Variants in ODAD2 observed in about 807,000 individuals in gnomAD.
The protein encoded by ODAD2 is outer dynein arm docking complex subunit 2.
In ODAD2, 89 loss-of-function variants were observed where a neutral mutation model predicts 106.8. That is an observed-to-expected ratio of 0.83 (90% CI 0.70 to 0.99). The LOEUF is 0.99. Among genes scored for constraint, ODAD2 ranks in the 50% least tolerant of loss-of-function variants. ODAD2 has a pLI of 0.00. For missense variants in ODAD2, 1,168 were observed against 1,238.5 expected (o/e 0.94, Z 0.85); for synonymous variants, 404 against 436.2 (o/e 0.93, Z 0.92).
At chr10:27,976,609 A>G (rs528778449) in intron 7 of ODAD2, among the ~76,000 whole-genome samples, 1 of 152,300 alleles carries the variant, frequency 6.6e-6, no homozygotes, top group East Asian at 1.9e-4. Context: ...ACCTAAATAA[A>G]TGGAGAGACA....
chr10:27,906,780 G>A (rs1290773161), intron 17 of ODAD2, among the ~76,000 whole-genome samples: 1 of 152,004 alleles, frequency 6.6e-6, no homozygotes, highest in South Asian at 2.1e-4. Context: ...ACCAAACACC[G>A]CATGTTCTCA....
In ODAD2 at chr10:27,940,550, C is replaced by T. The variant is rs143096939; in HGVS notation, c.1986+13G>A. ...AGTTGAGAAGGCAAGGGAAGCAGAA[C>T]TGGCATGAGTACCTCTGATGCACAC... On this transcript the variant is annotated intron_variant, in intron 13 of 19. Coordinates refer to ENST00000305242, the MANE Select transcript of ODAD2 (RefSeq NM_018076.5). 105 of 1,611,908 alleles carry T rather than the reference C, an allele frequency of 6.5e-5. 1 individual carries two copies. The highest frequency in any genetic ancestry group is 5.0e-4 in the Middle Eastern group (3 of 6,056).
intron 16 of ODAD2, among the ~76,000 whole-genome samples, chr10:27,924,008 A>AGGAAAGAG (rs1845013910): frequency 9.6e-6 from 1 of 104,188 alleles, no homozygotes; most frequent in Admixed American, 9.7e-5. Context: ...GAAAGAAAGA[A>AGGAAAGAG]AGAAAGAAAG....
At chr10:27,866,607 C>G (rs529732782) in intron 17 of ODAD2, among the ~76,000 whole-genome samples, 7 of 152,078 alleles carry the variant, frequency 4.6e-5, no homozygotes, top group African/African-American at 1.7e-4. Flanking sequence ...AAACATGGTG[C>G]CAGCATCTGC....
chr10:27,859,919 T>C (rs1839921230), intron 19 of ODAD2, among the ~76,000 whole-genome samples: 1 of 152,206 alleles, frequency 6.6e-6, no homozygotes, highest in Admixed American at 6.5e-5. Flanking sequence ...CATCTAGTTA[T>C]TGTTTCAGCC....
Position 27,935,240 on chromosome 10 carries a change from G to GA in ODAD2, c.2264_2265insT (p.Lys756GlnfsTer4). 3 of 1,613,834 alleles carry GA rather than the reference G, an allele frequency of 1.9e-6. No individual in the cohort carries two copies. The highest frequency in any genetic ancestry group is 2.5e-6 in the Non-Finnish European group (3 of 1,179,798). On this transcript the variant is annotated frameshift_variant, in exon 16 of 20. Coordinates refer to ENST00000305242, the MANE Select transcript of ODAD2 (RefSeq NM_018076.5). LOFTEE classifies it high-confidence loss of function. ...GTCCCACCAAGGTTTCAATGGCTTT[G>GA]TATTCCCGAAACCTAAGTTCATCAT...
chr10:27,940,013 A>T lies in ODAD2; in HGVS notation c.1987-6T>A. On this transcript the variant is annotated splice_polypyrimidine_tract_variant and splice_region_variant and intron_variant, in intron 13 of 19. Transcript: ENST00000305242. ...ATTGCAGCCCGGTAGTTTTCCTAGG[A>T]ATAAAAACCTACATATTTATGTGTT... 1 of 1,586,156 alleles carries T rather than the reference A, an allele frequency of 6.3e-7. No individual in the cohort carries two copies. The highest frequency in any genetic ancestry group is 1.8e-5 in the Admixed American group (1 of 57,062).
At chr10:27,996,943 A>G (rs1277390478) in intron 1 of ODAD2, among the ~76,000 whole-genome samples, 1 of 152,112 alleles carries the variant, frequency 6.6e-6, no homozygotes, top group East Asian at 1.9e-4. Flanking sequence ...ATTTTCTTTC[A>G]TTTTACAGTT....
At chr10:27,817,186 C>T (rs1836202883) in intron 19 of ODAD2, among the ~76,000 whole-genome samples, 1 of 152,150 alleles carries the variant, frequency 6.6e-6, no homozygotes, top group Non-Finnish European at 1.5e-5. Flanking sequence ...AGTAGCCACT[C>T]TCTTTGGTTA....
chr10:27,846,016 A>C (rs1838721473), intron 19 of ODAD2, among the ~76,000 whole-genome samples: 1 of 152,206 alleles, frequency 6.6e-6, no homozygotes, highest in South Asian at 2.1e-4. Flanking sequence ...CAGACCAATG[A>C]GACAGAAAGT....
chr10:27,892,554 A>G (rs1300057430), intron 17 of ODAD2, among the ~76,000 whole-genome samples: 2 of 152,226 alleles, frequency 1.3e-5, no homozygotes, highest in Non-Finnish European at 2.9e-5. Context: ...CATTTTATTT[A>G]TCACCAATAA....
At chr10:27,871,798 C>A (rs868002593) in intron 17 of ODAD2, among the ~76,000 whole-genome samples, 5 of 152,184 alleles carry the variant, frequency 3.3e-5, no homozygotes, top group South Asian at 2.1e-4. Flanking sequence ...GTGATGCCTG[C>A]AGCTGTGTTC....
At chr10:27,937,947 T>C (rs927729470) in intron 14 of ODAD2, among the ~76,000 whole-genome samples, 12 of 151,890 alleles carry the variant, frequency 7.9e-5, no homozygotes, top group Admixed American at 5.9e-4. Flanking sequence ...TAGAGGTTTT[T>C]TGTTTTTTGT....
At chr10:27,938,418 G>A (rs1451498963) in intron 14 of ODAD2, among the ~76,000 whole-genome samples, 2 of 152,216 alleles carry the variant, frequency 1.3e-5, no homozygotes, top group East Asian at 3.9e-4. Flanking sequence ...CCGTCTACAA[G>A]CTGAGGAGAG....
At chr10:27,885,703 T>TTATATATTATATAA (rs1842111083) in intron 17 of ODAD2, among the ~76,000 whole-genome samples, 4 of 51,330 alleles carry the variant, frequency 7.8e-5, no homozygotes, top group Non-Finnish European at 1.4e-4. Flanking sequence ...ATAATATATA[T>TTATATATTATATAA]AAAATATATA....
At chr10:27,868,255 T>A (rs957125742) in intron 17 of ODAD2, among the ~76,000 whole-genome samples, 15 of 152,182 alleles carry the variant, frequency 9.9e-5, no homozygotes, top group African/African-American at 3.6e-4. Flanking sequence ...TTAACCATTG[T>A]GGAAGACAGT....
intron 17 of ODAD2, among the ~76,000 whole-genome samples, chr10:27,878,352 T>C (rs1589896273): frequency 1.3e-5 from 2 of 152,168 alleles, no homozygotes; most frequent in East Asian, 3.8e-4. Flanking sequence ...ATTGAGACAT[T>C]ATTTACAGAT....
At chr10:27,966,454 C>T (rs989960567) in intron 9 of ODAD2, among the ~76,000 whole-genome samples, 25 of 152,140 alleles carry the variant, frequency 1.6e-4, no homozygotes, top group African/African-American at 6.0e-4. Context: ...TAAAAAGCAG[C>T]GCCCCAAAGA....
At chr10:27,839,528 C>T (rs1838156549) in intron 19 of ODAD2, among the ~76,000 whole-genome samples, 1 of 152,128 alleles carries the variant, frequency 6.6e-6, no homozygotes, top group Non-Finnish European at 1.5e-5. Flanking sequence ...TGAGGCCTAC[C>T]GTATAGCTGA....
Sources: allele counts gnomAD v4.1 joint callset (sites outside exome capture counted in the v4.1 genomes callset), GRCh38; gene constraint gnomAD v4.1.1; transcripts MANE v1.5; gene names NCBI Gene and HGNC (gene_info 2026-07-23, HGNC 2026-07-21).